MAML3: variants seen among roughly 807,000 people sequenced by gnomAD.
MAML3 encodes the protein mastermind like transcriptional coactivator 3, also known as mastermind-like protein 3.
MAML3 carries 27 observed loss-of-function variants against 101.9 expected under a neutral mutation model. The observed-to-expected ratio is 0.27, with a 90% CI of 0.20 to 0.37. The LOEUF is 0.37. Ranked by LOEUF, MAML3 falls within the 10% of genes least tolerant of loss-of-function variation. MAML3 has a pLI of 1.00. For missense variants in MAML3, 1,316 were observed against 1,444.9 expected (o/e 0.91, Z 1.45); for synonymous variants, 501 against 555.9 (o/e 0.90, Z 1.39).
At chr4:140,025,181 G>C (rs1726800204) in intron 1 of MAML3, among the ~76,000 whole-genome samples, 1 of 152,136 alleles carries the variant, frequency 6.6e-6, no homozygotes, top group African/African-American at 2.4e-5. Flanking sequence ...GGACAATTGA[G>C]TTAATTTGAT....
chr4:139,756,947 C>A (rs574599057), intron 2 of MAML3, among the ~76,000 whole-genome samples: 3 of 152,274 alleles, frequency 2.0e-5, no homozygotes, highest in Admixed American at 6.5e-5. Flanking sequence ...AGCTTGGAAG[C>A]GCATTATCAC....
chr4:139,878,546 C>T lies in MAML3; in HGVS notation c.2079+10811G>A, dbSNP rs145118245. On this transcript the variant is annotated intron_variant, in intron 2 of 4. Coordinates refer to ENST00000509479, the MANE Select transcript of MAML3 (RefSeq NM_018717.5). ...TGTGTCGAACCCTTAGGCTAGTAGG[C>T]TCCTCTTGGGAAAAAATAAAGCTGG... Among the ~76,000 whole-genome samples, 29 of 152,276 alleles carry T rather than the reference C, an allele frequency of 1.9e-4. No homozygotes were observed. In the East Asian group the frequency reaches 5.6e-3, roughly 29 times the overall value.
chr4:140,047,886 G>A (rs1419987873), intron 1 of MAML3, among the ~76,000 whole-genome samples: 4 of 152,002 alleles, frequency 2.6e-5, no homozygotes, highest in African/African-American at 7.3e-5. Context: ...CAGCGCTGGC[G>A]GCAATGGCCA....
chr4:140,070,192 C>T (rs1727626392), intron 1 of MAML3, among the ~76,000 whole-genome samples: 1 of 152,170 alleles, frequency 6.6e-6, no homozygotes, highest in Admixed American at 6.6e-5. Context: ...GACAAGGACA[C>T]TGTCTTGGTC....
intron 1 of MAML3, among the ~76,000 whole-genome samples, chr4:140,037,250 A>C (rs540838278): frequency 4.0e-4 from 60 of 151,718 alleles, no homozygotes; most frequent in Non-Finnish European, 7.7e-4. Flanking sequence ...TGAAAAAAAA[A>C]AAACAAAAAC....
intron 1 of MAML3, among the ~76,000 whole-genome samples, chr4:139,895,979 G>A (rs1732597045): frequency 6.6e-6 from 1 of 152,198 alleles, no homozygotes. Context: ...CGAAGATGCT[G>A]TGCTATAATT....
intron 1 of MAML3, among the ~76,000 whole-genome samples, chr4:139,912,639 T>C (rs891882435): frequency 1.3e-5 from 2 of 152,076 alleles, no homozygotes; most frequent in African/African-American, 4.8e-5. Flanking sequence ...GCTGGTATCA[T>C]CTTATAAGAC....
At chr4:140,104,414 A>ATATATAATATAT (rs1728315027) in intron 1 of MAML3, among the ~76,000 whole-genome samples, 1 of 21,554 alleles carries the variant, frequency 4.6e-5, no homozygotes, top group East Asian at 9.3e-4. Flanking sequence ...ATATAATATA[A>ATATATAATATAT]TATATAATAT....
At chr4:139,791,245 C>G (rs1184049263) in intron 2 of MAML3, among the ~76,000 whole-genome samples, 2 of 152,122 alleles carry the variant, frequency 1.3e-5, no homozygotes, top group East Asian at 1.9e-4. Flanking sequence ...GCCTGTAATC[C>G]CAGCACTTTG....
At chr4:140,098,995 G>A (rs528369607) in intron 1 of MAML3, among the ~76,000 whole-genome samples, 69 of 152,110 alleles carry the variant, frequency 4.5e-4, no homozygotes, top group Non-Finnish European at 7.9e-4. Context: ...TTGATGTCTC[G>A]GTCTGTTCCA....
intron 1 of MAML3, among the ~76,000 whole-genome samples, chr4:139,914,077 A>G (rs1218981919): frequency 6.6e-6 from 1 of 152,154 alleles, no homozygotes; most frequent in Non-Finnish European, 1.5e-5. Context: ...CCTCGTATAT[A>G]TATTTTTAAA....
At chr4:139,896,560 G>C (rs17050987) in intron 1 of MAML3, among the ~76,000 whole-genome samples, 6,124 of 151,656 alleles carry the variant, frequency 0.04, 237 homozygotes, top group Admixed American at 0.12. Context: ...TGGCTCCAGC[G>C]CAAGTCCCTC....
chr4:139,872,621 G>A (rs1732035766), intron 2 of MAML3, among the ~76,000 whole-genome samples: 1 of 152,166 alleles, frequency 6.6e-6, no homozygotes, highest in African/African-American at 2.4e-5. Flanking sequence ...CAGCATCAAA[G>A]ATGTAATGCC....
intron 1 of MAML3, among the ~76,000 whole-genome samples, chr4:139,937,392 G>GTTTTTTT: frequency 7.0e-6 from 1 of 143,616 alleles, no homozygotes; most frequent in African/African-American, 2.5e-5. Context: ...TAGCAAAGGA[G>GTTTTTTT]TTTTTTTTTT....
At chr4:139,748,184 A>G (rs1729387345) in intron 2 of MAML3, among the ~76,000 whole-genome samples, 1 of 152,010 alleles carries the variant, frequency 6.6e-6, no homozygotes, top group African/African-American at 2.4e-5. Flanking sequence ...AGGCTCTAAG[A>G]GGGCCTCCAT....
intron 2 of MAML3, among the ~76,000 whole-genome samples, chr4:139,855,815 A>G (rs1212827756): frequency 1.3e-5 from 2 of 152,218 alleles, no homozygotes; most frequent in Non-Finnish European, 2.9e-5. Flanking sequence ...AAAAAATTTT[A>G]TGAGTCCACA....
chr4:139,928,257 C>T (rs1485411466), intron 1 of MAML3, among the ~76,000 whole-genome samples: 18 of 152,284 alleles, frequency 1.2e-4, no homozygotes, highest in Non-Finnish European at 2.9e-5. Context: ...GCTCTAAACT[C>T]ATTCATGGAT....
At chr4:139,818,094 C>G (rs1303231331) in intron 2 of MAML3, among the ~76,000 whole-genome samples, 1 of 152,196 alleles carries the variant, frequency 6.6e-6, no homozygotes, top group Non-Finnish European at 1.5e-5. Flanking sequence ...GGGACCTGAT[C>G]ATTTACAATT....
At chr4:139,741,335 G>C (rs1729159331) in intron 2 of MAML3, among the ~76,000 whole-genome samples, 1 of 152,192 alleles carries the variant, frequency 6.6e-6, no homozygotes, top group South Asian at 2.1e-4. Context: ...CTGACCCTGG[G>C]CCTTGCATCC....
Sources: allele counts gnomAD v4.1 joint callset (sites outside exome capture counted in the v4.1 genomes callset), GRCh38; gene constraint gnomAD v4.1.1; transcripts MANE v1.5; gene names NCBI Gene and HGNC (gene_info 2026-07-23, HGNC 2026-07-21).